HPS1: variants seen among roughly 807,000 people sequenced by gnomAD.
HPS1 encodes BLOC-3 complex member HPS1.
In HPS1, 59 loss-of-function variants were observed where a neutral mutation model predicts 90.6. The ratio of observed to expected loss-of-function variants is 0.65; its 90% CI spans 0.53 to 0.81. The LOEUF (loss-of-function observed/expected upper bound fraction) is 0.81, where lower values mean the gene tolerates loss of function less well. Ranked by LOEUF, HPS1 falls within the 30% of genes least tolerant of loss-of-function variation. The pLI, the probability that HPS1 is intolerant of heterozygous loss-of-function variation, is 0.00. For synonymous variants in HPS1, 388 were observed against 384.4 expected (o/e 1.01, Z -0.11); for missense variants, 849 against 896.7 (o/e 0.95, Z 0.68).
intron 10 of HPS1, among the ~76,000 whole-genome samples, chr10:98,428,987 G>A (rs145848344): frequency 2.8e-3 from 425 of 151,888 alleles, no homozygotes; most frequent in African/African-American, 9.1e-3. Flanking sequence ...GATTACAGGC[G>A]CCTGCCACCA....
chr10:98,444,120 C>G (rs1939001504), intron 2 of HPS1, among the ~76,000 whole-genome samples: 1 of 152,060 alleles, frequency 6.6e-6, no homozygotes, highest in Admixed American at 6.6e-5. Context: ...ACTTCAGCAC[C>G]ACAGAAGTTT....
At chr10:98,430,004 C>A (rs1482282838) in intron 8 of HPS1, 115 bp from the exon 9 acceptor site, 4 of 865,882 alleles carry the variant, frequency 4.6e-6, no homozygotes, top group East Asian at 5.2e-5. Context: ...TCCACCCGTT[C>A]CGGGTGCAGT....
At chr10:98,442,906 C>T in intron 3 of HPS1, 1 of 599,068 alleles carries the variant, frequency 1.7e-6, no homozygotes. Context: ...CCAGAGAGGA[C>T]TGGTGGGGTG....
chr10:98,441,559 T>C (rs993293619), intron 3 of HPS1, among the ~76,000 whole-genome samples: 3 of 152,134 alleles, frequency 2.0e-5, no homozygotes, highest in African/African-American at 4.8e-5. Context: ...AAGATACCAT[T>C]GAGAATACAA....
intron 10 of HPS1, chr10:98,429,256 A>G: frequency 8.5e-7 from 1 of 1,170,358 alleles, no homozygotes; most frequent in East Asian, 4.2e-5. Context: ...GATGATTATT[A>G]CTAAATTTAA....
At chr10:98,431,023 G>A in intron 7 of HPS1, 108 bp downstream of exon 7, 16 of 1,159,738 alleles carry the variant, frequency 1.4e-5, no homozygotes, top group Non-Finnish European at 2.0e-5. Context: ...CAGGCTTCAT[G>A]GAGGAGGTGA....
At chr10:98,419,526 CT>C (rs1844576976) in intron 18 of HPS1, among the ~76,000 whole-genome samples, 11 of 152,144 alleles carry the variant, frequency 7.2e-5, no homozygotes, top group Admixed American at 6.5e-4. Flanking sequence ...GCTCCCCCCA[CT>C]GGACCCTACT....
Position 98,431,261 on chromosome 10 carries a change from A to G in HPS1, c.538T>C (p.Cys180Arg), listed in dbSNP as rs1374277732. The G allele has an allele frequency of 6.2e-7, 1 of 1,613,924 alleles. No individual in the cohort carries two copies. The change falls in exon 7 of 20, where the codon TGT becomes CGT. Residue 180 changes from cysteine to arginine, a missense_variant. By Grantham distance (180) the Cys-to-Arg change is radical. Coordinates refer to ENST00000361490, the MANE Select transcript of HPS1 (RefSeq NM_000195.5). ...ALERLIHPQL[C>R]ELCIEALERH... is the part of the protein sequence containing the mutation. ...TCCAGCGCCTCTATGCACAGCTCAC[A>G]GAGCTGGGGGTGAATCAGTCGCTCC...
chr10:98,415,309 G>A (rs2136063866), downstream of HPS1: 3 of 829,476 alleles, frequency 3.6e-6, no homozygotes, highest in South Asian at 4.1e-5. Flanking sequence ...GCTGCCCTGG[G>A]GCTGTGCTGG....
At position 98,445,993 on chromosome 10, in the gene HPS1, G is replaced by A. The variant is rs962651919; in HGVS notation, c.-105-589C>T. On this transcript the variant is annotated intron_variant, in intron 1 of 19. Transcript: ENST00000361490. The surrounding 1 kb of genome is among the most constrained non-coding windows in gnomAD (Gnocchi z 4.5). ...CTGCAAAGTAACCTTAGCAAACTGC[G>A]TTCTTACATAGGTGTGGGGATCATT... 2.0e-5 allele frequency among the ~76,000 whole-genome samples: 3 copies of A among 152,208 alleles called. No individual in the cohort carries two copies. Among genetic ancestry groups the A allele is most frequent in the South Asian group, 2.1e-4 (1 of 4,834 alleles).
chr10:98,427,674 T>G (rs1845800824), intron 10 of HPS1, among the ~76,000 whole-genome samples: 1 of 152,070 alleles, frequency 6.6e-6, no homozygotes, highest in Admixed American at 6.5e-5. Flanking sequence ...CAGTCCACGT[T>G]TGCCCATTCA....
chr10:98,415,118 T>C (rs1394722743), downstream of HPS1: 1 of 1,613,378 alleles, frequency 6.2e-7, no homozygotes, highest in South Asian at 1.1e-5. Flanking sequence ...TGCAGAGACC[T>C]CGGCCACTTG....
chr10:98,433,516 T>C (rs34042134), intron 6 of HPS1, among the ~76,000 whole-genome samples: 2,722 of 152,326 alleles, frequency 0.018, 30 homozygotes, highest in Non-Finnish European at 0.029. Flanking sequence ...CTTTAACTTT[T>C]TGGGGCTGGG....
chr10:98,419,309 C>G (rs1844539024), intron 18 of HPS1, among the ~76,000 whole-genome samples: 1 of 152,188 alleles, frequency 6.6e-6, no homozygotes, highest in Non-Finnish European at 1.5e-5. Flanking sequence ...GGAACAACCA[C>G]TCCTGAGAGC....
intron 3 of HPS1, among the ~76,000 whole-genome samples, chr10:98,438,741 C>G (rs1161996658): frequency 6.6e-6 from 1 of 152,204 alleles, no homozygotes; most frequent in Non-Finnish European, 1.5e-5. Flanking sequence ...GAAATTCAAG[C>G]CCTGGCTGCA....
intron 16 of HPS1, among the ~76,000 whole-genome samples, chr10:98,423,023 G>A (rs142449707): frequency 7.9e-5 from 12 of 152,386 alleles, no homozygotes; most frequent in African/African-American, 2.6e-4. Flanking sequence ...CCTGCCCACT[G>A]AGGACCTGCC....
At chr10:98,426,760 G>GTA (rs1845659295) in intron 11 of HPS1, among the ~76,000 whole-genome samples, 1 of 151,848 alleles carries the variant, frequency 6.6e-6, no homozygotes, top group Non-Finnish European at 1.5e-5. Flanking sequence ...GTGTGTGTGT[G>GTA]TGTGTGTGTG....
chr10:98,424,378 G>C lies in HPS1; in HGVS notation c.1336-4C>G, dbSNP rs1025453962. ...CCTTAAACTCCAGCCAGGTGCTCTG[G>C]AAGGAAGACAGGGGGCAGGTTTGCA... is the stretch of plus-strand genomic sequence containing the variant. On this transcript the variant is annotated splice_polypyrimidine_tract_variant and splice_region_variant and intron_variant, in intron 13 of 19. Coordinates refer to ENST00000361490, the MANE Select transcript of HPS1 (RefSeq NM_000195.5). 6.2e-7 allele frequency: 1 copy of C among 1,611,904 alleles called. No individual in the cohort carries two copies. The highest frequency in any genetic ancestry group is 1.3e-5 in the African/African-American group (1 of 74,862).
At position 98,443,831 on chromosome 10, in the gene HPS1, G is replaced by C. The variant is rs535334732; in HGVS notation, c.1-591C>G. Among the ~76,000 whole-genome samples, 24 of 152,240 alleles carry C rather than the reference G, an allele frequency of 1.6e-4. No homozygotes were observed. In the East Asian group the frequency reaches 4.1e-3, roughly 26 times the overall value. On this transcript the variant is annotated intron_variant, in intron 2 of 19. Transcript: ENST00000361490. ...GTGGATCACCTGAAGTCAGGAGTTC[G>C]AGACCAGCCTGGCCAACATGGTGAA...
Sources: gnomAD v4.1 joint callset for allele counts (sites outside exome capture counted in the v4.1 genomes callset) on GRCh38, gnomAD v4.1.1 for gene constraint, Gnocchi (gnomAD v3.1) non-coding constraint, MANE v1.5 for transcripts, NCBI Gene and HGNC (gene_info 2026-07-23, HGNC 2026-07-21) for gene names.